Variants in KIAA1328 observed in about 807,000 individuals in gnomAD.
KIAA1328 encodes protein hinderin.
Under a neutral mutation model 68.1 loss-of-function variants are expected in KIAA1328, and 52 were observed. The ratio of observed to expected loss-of-function variants is 0.76; its 90% CI spans 0.61 to 0.96. The LOEUF (loss-of-function observed/expected upper bound fraction) is 0.96, where lower values mean the gene tolerates loss of function less well. Ranked by LOEUF, KIAA1328 falls within the 40% of genes least tolerant of loss-of-function variation. KIAA1328 has a pLI of 0.00. For missense variants in KIAA1328, 641 were observed against 677.6 expected (o/e 0.95, Z 0.60); for synonymous variants, 232 against 239.4 (o/e 0.97, Z 0.28).
chr18:36,906,578 G>A (rs888333860), intron 5 of KIAA1328, among the ~76,000 whole-genome samples: 2 of 151,994 alleles, frequency 1.3e-5, no homozygotes, highest in Middle Eastern at 6.8e-3. Context: ...ACCATAGTTT[G>A]CTATTCTACT....
At chr18:36,929,051 T>G (rs1191989211) in intron 5 of KIAA1328, among the ~76,000 whole-genome samples, 1 of 152,232 alleles carries the variant, frequency 6.6e-6, no homozygotes, top group Non-Finnish European at 1.5e-5. Context: ...ATTTGATTCT[T>G]ATTAATACAG....
intron 9 of KIAA1328, among the ~76,000 whole-genome samples, chr18:37,215,071 A>G (rs1044428266): frequency 2.6e-5 from 4 of 152,196 alleles, no homozygotes; most frequent in African/African-American, 9.7e-5. Flanking sequence ...GGGGTTTTCT[A>G]AATATACCAT....
At chr18:37,059,757 C>T (rs1298393078) in intron 6 of KIAA1328, among the ~76,000 whole-genome samples, 1 of 152,116 alleles carries the variant, frequency 6.6e-6, no homozygotes, top group Non-Finnish European at 1.5e-5. Flanking sequence ...TATTGTGGCA[C>T]TATTCACAAT....
chr18:37,180,937 A>G (rs2059687634), intron 9 of KIAA1328, among the ~76,000 whole-genome samples: 1 of 152,150 alleles, frequency 6.6e-6, no homozygotes, highest in Admixed American at 6.6e-5. Context: ...GCATATACAG[A>G]TATATCCATT....
chr18:37,049,426 A>G, intron 6 of KIAA1328, among the ~76,000 whole-genome samples: 1 of 152,226 alleles, frequency 6.6e-6, no homozygotes, highest in Non-Finnish European at 1.5e-5. Flanking sequence ...TTATTTCTAA[A>G]TAAAATATCT....
intron 9 of KIAA1328, among the ~76,000 whole-genome samples, chr18:37,216,498 G>GT (rs1438944635): frequency 1.3e-5 from 2 of 150,920 alleles, no homozygotes; most frequent in Non-Finnish European, 1.5e-5. Context: ...TGATTGCACC[G>GT]TGGTTGTGAT....
chr18:37,030,224 TTTGCATTTCTTTCCTAAC>T (rs2054768219), intron 6 of KIAA1328, among the ~76,000 whole-genome samples: 1 of 152,114 alleles, frequency 6.6e-6, no homozygotes, highest in African/African-American at 2.4e-5. Context: ...TCAGTTATAA[TTTGCATTTCTTTCCTAAC>T]TTGCTAGGAC....
intron 5 of KIAA1328, among the ~76,000 whole-genome samples, chr18:36,913,895 C>T (rs550796481): frequency 1.3e-5 from 2 of 152,146 alleles, no homozygotes; most frequent in East Asian, 3.9e-4. Flanking sequence ...AGTTTTTGAC[C>T]ATCAGTTGCT....
At position 37,067,286 on chromosome 18, in the gene KIAA1328, C is replaced by A. The variant is rs1283996568; in HGVS notation, c.973C>A (p.Pro325Thr). Reference sequence around the variant, plus strand: ...TGACAGCCATCCTACAAACATGACCCCTCAACATCCTAAGACACATCCAGA... The same window carrying A: ...TGACAGCCATCCTACAAACATGACCACTCAACATCCTAAGACACATCCAGA... Reference protein sequence around the residue: ...VHDSHPTNMTPQHPKTHPESC... With the variant: ...VHDSHPTNMTTQHPKTHPESC... Residue 325 changes from proline (P) to threonine (T), a missense_variant, in exon 7 of 10, where the codon CCT becomes ACT. Coordinates refer to ENST00000280020, the MANE Select transcript of KIAA1328 (RefSeq NM_020776.3). 4.3e-6 allele frequency: 7 copies of A among 1,613,876 alleles called. No individual in the cohort carries two copies. Among genetic ancestry groups the A allele is most frequent in the Middle Eastern group, 1.6e-4 (1 of 6,084 alleles).
chr18:37,118,604 C>A (rs2058185877), intron 7 of KIAA1328, among the ~76,000 whole-genome samples: 2 of 152,128 alleles, frequency 1.3e-5, no homozygotes, highest in Admixed American at 1.3e-4. Context: ...CTCTTCTTTG[C>A]CTCTTAATTC....
At chr18:37,117,468 G>A (rs1355056715) in intron 7 of KIAA1328, among the ~76,000 whole-genome samples, 1 of 152,000 alleles carries the variant, frequency 6.6e-6, no homozygotes, top group Non-Finnish European at 1.5e-5. Flanking sequence ...CAGCGGTAGC[G>A]AACATCCCAC....
At chr18:37,103,645 A>G (rs1282428951) in intron 7 of KIAA1328, among the ~76,000 whole-genome samples, 1 of 152,206 alleles carries the variant, frequency 6.6e-6, no homozygotes, top group African/African-American at 2.4e-5. Flanking sequence ...AAATAAAAAC[A>G]GGCAAATGGG....
intron 8 of KIAA1328, among the ~76,000 whole-genome samples, chr18:37,169,180 T>C (rs923409627): frequency 1.5e-4 from 22 of 150,806 alleles, no homozygotes; most frequent in African/African-American, 3.2e-4. Context: ...ATTTTTTTTT[T>C]TTTGAGACAG....
intron 9 of KIAA1328, among the ~76,000 whole-genome samples, chr18:37,204,207 A>G (rs1261584718): frequency 6.6e-6 from 1 of 152,250 alleles, no homozygotes; most frequent in Non-Finnish European, 1.5e-5. Flanking sequence ...ACCTTAAAAC[A>G]TCTAGCAGAG....
At chr18:36,901,169 TTAAAG>T (rs1426520190) in intron 5 of KIAA1328, among the ~76,000 whole-genome samples, 1 of 152,068 alleles carries the variant, frequency 6.6e-6, no homozygotes, top group Non-Finnish European at 1.5e-5. Context: ...GTGTTAGTTC[TTAAAG>T]TATTCTCTAT....
intron 6 of KIAA1328, among the ~76,000 whole-genome samples, chr18:37,029,668 G>A (rs1034889588): frequency 6.6e-6 from 1 of 152,166 alleles, no homozygotes; most frequent in African/African-American, 2.4e-5. Context: ...ATTTATATGG[G>A]ATATTAATCT....
downstream of KIAA1328, among the ~76,000 whole-genome samples, chr18:37,226,371 A>G (rs1304354641): frequency 2.0e-5 from 3 of 152,130 alleles, no homozygotes; most frequent in Admixed American, 6.5e-5. Flanking sequence ...AGTCTTTAGT[A>G]TATTCACAGA....
chr18:36,842,007 C>T (rs903985138), intron 3 of KIAA1328, among the ~76,000 whole-genome samples: 20 of 150,890 alleles, frequency 1.3e-4, no homozygotes, highest in African/African-American at 4.4e-4. Context: ...TTCTTTTCAC[C>T]GTCTCGGGGT....
chr18:36,975,314 C>G (rs1187927188), intron 6 of KIAA1328, among the ~76,000 whole-genome samples: 1 of 150,924 alleles, frequency 6.6e-6, no homozygotes, highest in African/African-American at 2.4e-5. Context: ...TCCCAAGTAG[C>G]TGGGACTACA....
Sources: gnomAD v4.1 joint callset for allele counts (sites outside exome capture counted in the v4.1 genomes callset) on GRCh38, gnomAD v4.1.1 for gene constraint, MANE v1.5 for transcripts, NCBI Gene and HGNC (gene_info 2026-07-23, HGNC 2026-07-21) for gene names.